Variants in GPC5 observed in about 807,000 individuals in gnomAD.
GPC5 encodes glypican-5.
GPC5 carries 47 observed loss-of-function variants against 53.9 expected under a neutral mutation model. That is an observed-to-expected ratio of 0.87 (90% CI 0.69 to 1.11). GPC5 has a LOEUF of 1.11. Among genes scored for constraint, GPC5 ranks in the 50% most tolerant of loss-of-function variants. GPC5 has a pLI of 0.00. For synonymous variants in GPC5, 286 were observed against 263.3 expected (o/e 1.09, Z -0.84); for missense variants, 748 against 713.1 (o/e 1.05, Z -0.56).
chr13:91,586,425 A>C (rs1286134811), intron 2 of GPC5, among the ~76,000 whole-genome samples: 1 of 140,626 alleles, frequency 7.1e-6, no homozygotes, highest in African/African-American at 2.6e-5. Context: ...ATTGACTGAC[A>C]GTTTCATATG....
chr13:92,202,126 G>T (rs956377069), intron 7 of GPC5, among the ~76,000 whole-genome samples: 1 of 152,134 alleles, frequency 6.6e-6, no homozygotes, highest in Non-Finnish European at 1.5e-5. Flanking sequence ...ATGAACTAAA[G>T]AATGTAAAAA....
intron 6 of GPC5, among the ~76,000 whole-genome samples, chr13:92,060,566 C>A (rs2041114605): frequency 1.3e-5 from 2 of 152,020 alleles, no homozygotes; most frequent in African/African-American, 4.8e-5. Flanking sequence ...ATATAGAATT[C>A]TCAGAGTTCT....
At chr13:92,667,062 T>G (rs1255444495) in intron 7 of GPC5, among the ~76,000 whole-genome samples, 1 of 152,160 alleles carries the variant, frequency 6.6e-6, no homozygotes, top group Non-Finnish European at 1.5e-5. Flanking sequence ...CATTTCAAAC[T>G]ATTCACAAAA....
At chr13:91,776,563 T>C (rs1456957513) in intron 5 of GPC5, among the ~76,000 whole-genome samples, 2 of 152,116 alleles carry the variant, frequency 1.3e-5, no homozygotes, top group Non-Finnish European at 2.9e-5. Flanking sequence ...AAACTAAAGA[T>C]TGGAGACATT....
chr13:92,197,136 G>A (rs1000757304), intron 7 of GPC5, among the ~76,000 whole-genome samples: 2 of 151,936 alleles, frequency 1.3e-5, no homozygotes, highest in East Asian at 1.9e-4. Context: ...CTTTTAAAGG[G>A]TATTCCTAAT....
intron 7 of GPC5, among the ~76,000 whole-genome samples, chr13:92,812,028 G>A (rs972464679): frequency 2.0e-5 from 3 of 151,910 alleles, no homozygotes; most frequent in Admixed American, 1.3e-4. Flanking sequence ...GATGAAGTGT[G>A]AGTTCTCCAA....
intron 6 of GPC5, among the ~76,000 whole-genome samples, chr13:92,063,835 G>A (rs1047924957): frequency 2.0e-5 from 3 of 152,110 alleles, no homozygotes; most frequent in African/African-American, 4.8e-5. Context: ...AATGAAAAAT[G>A]ATGCTCTTAG....
chr13:92,307,411 G>C (rs1317093084), intron 7 of GPC5, among the ~76,000 whole-genome samples: 1 of 152,174 alleles, frequency 6.6e-6, no homozygotes, highest in Non-Finnish European at 1.5e-5. Flanking sequence ...CCGAGATCGT[G>C]CCATGGCACT....
intron 3 of GPC5, among the ~76,000 whole-genome samples, chr13:91,703,798 T>A (rs1340336511): frequency 6.6e-6 from 1 of 152,192 alleles, no homozygotes; most frequent in Non-Finnish European, 1.5e-5. Context: ...GGGGAATTAT[T>A]TTAAAATGTT....
intron 7 of GPC5, among the ~76,000 whole-genome samples, chr13:92,682,147 T>C (rs1887129915): frequency 6.6e-6 from 1 of 152,202 alleles, no homozygotes; most frequent in South Asian, 2.1e-4. Context: ...CCTCTTACAT[T>C]ATAAATAGAC....
intron 7 of GPC5, among the ~76,000 whole-genome samples, chr13:92,740,450 A>C (rs1347303528): frequency 6.6e-6 from 1 of 152,110 alleles, no homozygotes; most frequent in African/African-American, 2.4e-5. Context: ...GTTCTTAGCT[A>C]CTGTCCAATT....
chr13:92,700,673 A>T (rs941166319), intron 7 of GPC5, among the ~76,000 whole-genome samples: 2 of 152,076 alleles, frequency 1.3e-5, no homozygotes, highest in Admixed American at 1.3e-4. Context: ...TTAACTTGTT[A>T]CATTTTCTTA....
intron 2 of GPC5, among the ~76,000 whole-genome samples, chr13:91,590,711 T>A (rs2032764850): frequency 6.6e-6 from 1 of 152,206 alleles, no homozygotes; most frequent in East Asian, 1.9e-4. Context: ...ATTTTACATG[T>A]TTCATTTTGT....
chr13:91,493,698 C>T (rs1383408296), intron 2 of GPC5, among the ~76,000 whole-genome samples: 1 of 152,166 alleles, frequency 6.6e-6, no homozygotes, highest in African/African-American at 2.4e-5. Context: ...TTCCATGTTC[C>T]CAGACATTCG....
chr13:91,663,732 G>A (rs1292156589), intron 2 of GPC5, among the ~76,000 whole-genome samples: 1 of 151,990 alleles, frequency 6.6e-6, no homozygotes, highest in Non-Finnish European at 1.5e-5. Context: ...CTGAGTTGTT[G>A]GGATTACAGG....
At chr13:91,650,910 C>T (rs2034693037) in intron 2 of GPC5, among the ~76,000 whole-genome samples, 1 of 151,890 alleles carries the variant, frequency 6.6e-6, no homozygotes, top group Admixed American at 6.6e-5. Flanking sequence ...CAATTTTAAG[C>T]AAGACTTTCT....
rs79641770 is a variant in GPC5 at position 92,324,321 on chromosome 13, C to T, written c.1561+179332C>T. Among the ~76,000 whole-genome samples, 458 of 151,948 alleles carry T rather than the reference C, an allele frequency of 3.0e-3. 7 individuals carry two copies. In the East Asian group the frequency reaches 0.062, roughly 21 times the overall value. ...TGTGAAATACCAAAAACCTCTATTGCTTGATATTTTCAATGTTAACCCCCA... is the reference window on the plus strand; with the variant it reads ...TGTGAAATACCAAAAACCTCTATTGTTTGATATTTTCAATGTTAACCCCCA... On this transcript the variant is annotated intron_variant, in intron 7 of 7. Coordinates refer to ENST00000377067, the MANE Select transcript of GPC5 (RefSeq NM_004466.6).
At chr13:91,965,189 A>C (rs2040169394) in intron 6 of GPC5, among the ~76,000 whole-genome samples, 2 of 152,052 alleles carry the variant, frequency 1.3e-5, no homozygotes, top group South Asian at 4.2e-4. Flanking sequence ...ATGTGTAAAA[A>C]ACGTGCACGT....
intron 6 of GPC5, among the ~76,000 whole-genome samples, chr13:92,020,569 G>C (rs2040748889): frequency 6.6e-6 from 1 of 151,754 alleles, no homozygotes. Context: ...TAGTGACACT[G>C]AGCATTCTAT....
Sources: allele counts gnomAD v4.1 joint callset (sites outside exome capture counted in the v4.1 genomes callset), GRCh38; gene constraint gnomAD v4.1.1; transcripts MANE v1.5; gene names NCBI Gene and HGNC (gene_info 2026-07-23, HGNC 2026-07-21).